Variants in NRG3 observed in about 807,000 individuals in gnomAD.
The protein encoded by NRG3 is neuregulin 3.
A neutral mutation model predicts 66.9 loss-of-function variants in NRG3; 31 were observed. The ratio of observed to expected loss-of-function variants is 0.46; its 90% CI spans 0.35 to 0.63. The LOEUF (loss-of-function observed/expected upper bound fraction) is 0.63, where lower values mean the gene tolerates loss of function less well. Among genes scored for constraint, NRG3 ranks in the 20% least tolerant of loss-of-function variants. The pLI, the probability that NRG3 is intolerant of heterozygous loss-of-function variation, is 0.00. For missense variants in NRG3, 910 were observed against 878.9 expected, an observed-to-expected ratio of 1.04 and a Z score of -0.45; for synonymous variants, 393 against 359.4, an observed-to-expected ratio of 1.09 and a Z score of -1.06.
At chr10:82,457,837 G>A (rs2091341464) in intron 2 of NRG3, among the ~76,000 whole-genome samples, 1 of 152,148 alleles carries the variant, frequency 6.6e-6, no homozygotes, top group South Asian at 2.1e-4. Flanking sequence ...GGACAAATTT[G>A]GCAGTGATAA....
At chr10:82,587,808 A>G (rs771682263) in intron 2 of NRG3, among the ~76,000 whole-genome samples, 2 of 152,258 alleles carry the variant, frequency 1.3e-5, no homozygotes, top group African/African-American at 2.4e-5. Context: ...GCTGGCAGCA[A>G]TACATATTTA....
chr10:82,693,845 G>T (rs117936780), intron 2 of NRG3, among the ~76,000 whole-genome samples: 1,964 of 152,324 alleles, frequency 0.013, 32 homozygotes, highest in Non-Finnish European at 0.021. Context: ...GATTTATTGT[G>T]AAGAGTGAAA....
intron 1 of NRG3, among the ~76,000 whole-genome samples, chr10:82,227,482 T>C (rs2076225510): frequency 1.3e-5 from 2 of 152,142 alleles, no homozygotes; most frequent in African/African-American, 4.8e-5. Flanking sequence ...GGTTTTTCTT[T>C]TTTAACTTGC....
chr10:82,763,698 A>C (rs951774659), intron 3 of NRG3, among the ~76,000 whole-genome samples: 3 of 152,126 alleles, frequency 2.0e-5, no homozygotes, highest in South Asian at 4.1e-4. Flanking sequence ...TGAAATCTTC[A>C]TACAAAAATC....
chr10:82,061,844 C>T (rs1235463794), intron 1 of NRG3, among the ~76,000 whole-genome samples: 1 of 119,796 alleles, frequency 8.3e-6, no homozygotes, highest in Non-Finnish European at 1.9e-5. Context: ...GTGTCCCTTT[C>T]TCTCTCTCTC....
At chr10:82,470,273 C>G (rs1030503236) in intron 2 of NRG3, among the ~76,000 whole-genome samples, 19 of 152,208 alleles carry the variant, frequency 1.2e-4, no homozygotes, top group African/African-American at 4.6e-4. Flanking sequence ...GTAGAAATCG[C>G]TGAGGCCTTG....
intron 1 of NRG3, among the ~76,000 whole-genome samples, chr10:81,998,811 T>G (rs1329184967): frequency 6.6e-6 from 1 of 152,214 alleles, no homozygotes; most frequent in Non-Finnish European, 1.5e-5. Flanking sequence ...ACATCCTCAC[T>G]TTTTAAAAAA....
chr10:82,187,761 AG>A (rs1177193004), intron 1 of NRG3, among the ~76,000 whole-genome samples: 1 of 152,194 alleles, frequency 6.6e-6, no homozygotes, highest in Non-Finnish European at 1.5e-5. Context: ...ATATATTGAA[AG>A]GATCGTATTC....
At chr10:82,329,624 A>G (rs1391389702) in intron 1 of NRG3, among the ~76,000 whole-genome samples, 1 of 152,156 alleles carries the variant, frequency 6.6e-6, no homozygotes, top group Non-Finnish European at 1.5e-5. Flanking sequence ...GAGTCATTGT[A>G]AAGAATGAGA....
At chr10:82,891,101 T>C (rs1843111854) in intron 4 of NRG3, among the ~76,000 whole-genome samples, 1 of 152,032 alleles carries the variant, frequency 6.6e-6, no homozygotes. Context: ...GTCCTAGTTA[T>C]TCTTGGCAAT....
intron 3 of NRG3, among the ~76,000 whole-genome samples, chr10:82,813,546 A>G (rs2061583838): frequency 6.6e-6 from 1 of 152,144 alleles, no homozygotes; most frequent in South Asian, 2.1e-4. Context: ...AGTATATTGC[A>G]TTATAACATT....
chr10:82,076,481 T>C (rs982468289), intron 1 of NRG3, among the ~76,000 whole-genome samples: 5 of 152,212 alleles, frequency 3.3e-5, no homozygotes, highest in Non-Finnish European at 5.9e-5. Flanking sequence ...TGATATAGTT[T>C]GGTTGCTTGT....
Position 82,400,065 on chromosome 10 carries a change from G to A in NRG3, c.953+41197G>A, listed in dbSNP as rs73312910. On this transcript the variant is annotated intron_variant, in intron 2 of 8. Transcript: ENST00000372141. ...CAGTGAGCAAACACTATATCTGATCGTTTACAGATATTAAATAATTTAATC... is the reference window on the plus strand; with the variant it reads ...CAGTGAGCAAACACTATATCTGATCATTTACAGATATTAAATAATTTAATC... Among the ~76,000 whole-genome samples, 844 of 152,116 alleles carry A rather than the reference G, an allele frequency of 5.5e-3. 7 individuals carry two copies. The highest frequency in any genetic ancestry group is 0.02 in the African/African-American group (818 of 41,492).
intron 2 of NRG3, among the ~76,000 whole-genome samples, chr10:82,691,367 C>T (rs1310899156): frequency 6.6e-6 from 1 of 152,170 alleles, no homozygotes; most frequent in Non-Finnish European, 1.5e-5. Context: ...TAAAATTAGA[C>T]ATTACCTTTA....
intron 1 of NRG3, among the ~76,000 whole-genome samples, chr10:82,020,471 C>G (rs7077133): frequency 0.49 from 74,312 of 151,862 alleles, 19,114 homozygotes; most frequent in South Asian, 0.65. Context: ...TTATAAGTAT[C>G]TAGAATAGAA....
intron 2 of NRG3, among the ~76,000 whole-genome samples, chr10:82,382,678 G>T (rs988106423): frequency 5.3e-5 from 8 of 151,810 alleles, no homozygotes; most frequent in Non-Finnish European, 1.0e-4. Context: ...ATATGTTAAA[G>T]CTTATTAAAG....
intron 1 of NRG3, among the ~76,000 whole-genome samples, chr10:82,046,920 C>T (rs4453172): frequency 0.62 from 82,684 of 133,172 alleles, 27,380 homozygotes; most frequent in South Asian, 0.87. Context: ...GGATGAAGCC[C>T]ACTTGATCAT....
At chr10:82,129,285 G>C (rs1192155216) in intron 1 of NRG3, among the ~76,000 whole-genome samples, 1 of 149,806 alleles carries the variant, frequency 6.7e-6, no homozygotes, top group Non-Finnish European at 1.5e-5. Flanking sequence ...TACATTGTCA[G>C]AGGGCACAGT....
intron 1 of NRG3, among the ~76,000 whole-genome samples, chr10:81,927,219 T>C (rs2132942481): frequency 6.6e-6 from 1 of 152,330 alleles, no homozygotes; most frequent in South Asian, 2.1e-4. Context: ...AAGAATTGCT[T>C]AGAAAGTAAA....
Sources: allele counts gnomAD v4.1 joint callset (sites outside exome capture counted in the v4.1 genomes callset), GRCh38; gene constraint gnomAD v4.1.1; transcripts MANE v1.5; gene names NCBI Gene and HGNC (gene_info 2026-07-23, HGNC 2026-07-21).